TCF12: variants seen among roughly 807,000 people sequenced by gnomAD.
TCF12 encodes the protein transcription factor 12.
Under a neutral mutation model 86.0 loss-of-function variants are expected in TCF12, and 45 were observed. The ratio of observed to expected loss-of-function variants is 0.52; its 90% CI spans 0.41 to 0.67. The LOEUF is 0.67. Ranked by LOEUF, TCF12 falls within the 30% of genes least tolerant of loss-of-function variation. TCF12 has a pLI of 0.00. For missense variants in TCF12, 881 were observed against 859.9 expected (o/e 1.02, Z -0.31); for synonymous variants, 330 against 299.6 (o/e 1.10, Z -1.05).
chr15:57,138,278 T>C (rs1596752371), intron 5 of TCF12, among the ~76,000 whole-genome samples: 1 of 152,228 alleles, frequency 6.6e-6, no homozygotes, highest in South Asian at 2.1e-4. Context: ...TTTTTCATGT[T>C]TTTTCATTTA....
At chr15:57,250,966 T>TGGG (rs2060088031) in intron 13 of TCF12, among the ~76,000 whole-genome samples, 1 of 145,452 alleles carries the variant, frequency 6.9e-6, no homozygotes, top group Admixed American at 7.9e-5. Flanking sequence ...GAAATAATAA[T>TGGG]GTAGTCATTA....
chr15:57,024,587 G>A (rs75168679), intron 3 of TCF12, among the ~76,000 whole-genome samples: 1,661 of 152,272 alleles, frequency 0.011, 19 homozygotes, highest in Admixed American at 0.023. Context: ...AGTAAGACTG[G>A]AATGTCAGCT....
At chr15:57,264,195 C>CTTTTTTT (rs770642915) in intron 18 of TCF12, among the ~76,000 whole-genome samples, 16,225 of 50,046 alleles carry the variant, frequency 0.32, 6,059 homozygotes, top group Non-Finnish European at 0.4. Flanking sequence ...CTTTTGTAAG[C>CTTTTTTT]TTTTTTTTTT....
chr15:56,947,283 A>G (rs910351167), intron 3 of TCF12, among the ~76,000 whole-genome samples: 4 of 151,994 alleles, frequency 2.6e-5, no homozygotes, highest in Non-Finnish European at 5.9e-5. Context: ...TTCGCCTGCC[A>G]TTGTGGAGTT....
Position 57,067,143 on chromosome 15 carries a change from C to T in TCF12, c.222+3320C>T, listed in dbSNP as rs867329354. Among the ~76,000 whole-genome samples the T allele has an allele frequency of 5.7e-4, 87 of 152,278 alleles. No individual in the cohort carries two copies. The Middle Eastern group carries it at 0.014, about 24-fold the overall frequency. ...ACCAAATCCACCAGAAAAGTAGCCTCGCAGTTTAGAGGTGATTAAGTTTCT... is the reference window on the plus strand; with the variant it reads ...ACCAAATCCACCAGAAAAGTAGCCTTGCAGTTTAGAGGTGATTAAGTTTCT... On this transcript the variant is annotated intron_variant, in intron 4 of 20. Coordinates refer to ENST00000333725, the MANE Select transcript of TCF12 (RefSeq NM_207037.2).
At chr15:57,049,562 T>C (rs1289550531) in intron 3 of TCF12, among the ~76,000 whole-genome samples, 1 of 152,240 alleles carries the variant, frequency 6.6e-6, no homozygotes, top group Non-Finnish European at 1.5e-5. Context: ...TGTTGCTGAA[T>C]AGTAGTATTT....
intron 6 of TCF12, among the ~76,000 whole-genome samples, chr15:57,184,474 G>T (rs1450051917): frequency 2.6e-5 from 4 of 152,100 alleles, no homozygotes; most frequent in Non-Finnish European, 4.4e-5. Flanking sequence ...ATATTTGTTT[G>T]TGTGTATGTT....
In TCF12 at chr15:56,930,777, C is replaced by T. The variant is rs552467104; in HGVS notation, c.148+9679C>T. ...TTTTCCCAGTTAGAGATCCACAGTC[C>T]CTTATCTGCAGTTTTGAAATCCAAA... On this transcript the variant is annotated intron_variant, in intron 3 of 20. Coordinates refer to ENST00000333725, the MANE Select transcript of TCF12 (RefSeq NM_207037.2). Among the ~76,000 whole-genome samples, 136 of 151,940 alleles carry T rather than the reference C, an allele frequency of 9.0e-4. 1 individual carries two copies. The highest frequency in any genetic ancestry group is 3.0e-3 in the African/African-American group (125 of 41,428).
chr15:56,938,304 G>A (rs763362858), intron 3 of TCF12, among the ~76,000 whole-genome samples: 1 of 151,994 alleles, frequency 6.6e-6, no homozygotes, highest in Admixed American at 6.6e-5. Context: ...GGGATCACAG[G>A]CACGTGCCAC....
At chr15:57,162,543 A>G (rs1428236029) in intron 5 of TCF12, among the ~76,000 whole-genome samples, 1 of 152,232 alleles carries the variant, frequency 6.6e-6, no homozygotes, top group Non-Finnish European at 1.5e-5. Flanking sequence ...ATTAAGTATC[A>G]TTTTGAAAAT....
intron 4 of TCF12, among the ~76,000 whole-genome samples, chr15:57,087,046 CCT>C (rs2048686221): frequency 6.8e-6 from 1 of 146,648 alleles, no homozygotes; most frequent in Non-Finnish European, 1.5e-5. Context: ...CCTCTCTCTC[CCT>C]CTGTCTCCCT....
Position 57,231,165 on chromosome 15 carries a change from C to T in TCF12, c.593C>T (p.Ser198Phe). ...PGLPSSVYAP[S>F]PNSDDFNRES... ...TTTAATTTTAAGGTATATGCACCAT[C>T]CCCAAATTCAGATGATTTCAACCGT... The change falls in exon 9 of 21, where the codon TCC (serine) becomes TTC (phenylalanine). Residue 198 changes from serine to phenylalanine, a missense_variant. Physicochemically the swap from Ser to Phe is radical, Grantham distance 155. Around this residue, in one of 3 missense-constraint regions of TCF12, gnomAD observed 766 missense variants for 718.9 expected, o/e 1.07. Coordinates refer to ENST00000333725, the MANE Select transcript of TCF12 (RefSeq NM_207037.2). 1 of 1,612,204 alleles carries T rather than the reference C, an allele frequency of 6.2e-7. No individual in the cohort carries two copies.
intron 3 of TCF12, among the ~76,000 whole-genome samples, chr15:56,944,656 C>T (rs1269043738): frequency 6.6e-6 from 1 of 152,036 alleles, no homozygotes; most frequent in Non-Finnish European, 1.5e-5. Flanking sequence ...TTTTAGTGCA[C>T]TAGATATTTT....
At chr15:57,278,482 A>T (rs1460475037) in intron 19 of TCF12, 1 of 152,228 alleles carries the variant, frequency 6.6e-6, no homozygotes, top group Non-Finnish European at 1.5e-5. Context: ...AAAAACAAGT[A>T]GCTATTAACT....
At chr15:56,937,380 A>T (rs545707219) in intron 3 of TCF12, among the ~76,000 whole-genome samples, 37 of 150,634 alleles carry the variant, frequency 2.5e-4, no homozygotes, top group African/African-American at 9.0e-4. Flanking sequence ...TTTTTTTGAG[A>T]CGGAGTCATT....
chr15:57,077,957 G>A (rs1452659316), intron 4 of TCF12, among the ~76,000 whole-genome samples: 2 of 151,960 alleles, frequency 1.3e-5, no homozygotes, highest in African/African-American at 2.4e-5. Context: ...ATGAGATGGG[G>A]GAAATATAGT....
At chr15:57,020,301 T>G (rs2957573) in intron 3 of TCF12, among the ~76,000 whole-genome samples, 27,559 of 152,162 alleles carry the variant, frequency 0.18, 3,004 homozygotes, top group Non-Finnish European at 0.24. Flanking sequence ...TGTACTGAGC[T>G]CATCTTGAGG....
At chr15:57,133,209 G>A (rs1472119889) in intron 5 of TCF12, among the ~76,000 whole-genome samples, 1 of 152,194 alleles carries the variant, frequency 6.6e-6, no homozygotes, top group Non-Finnish European at 1.5e-5. Flanking sequence ...CCATTGATCT[G>A]AGCCTGAACA....
chr15:57,080,511 G>A (rs1276785898), intron 4 of TCF12, among the ~76,000 whole-genome samples: 5 of 152,134 alleles, frequency 3.3e-5, no homozygotes, highest in Admixed American at 6.5e-5. Flanking sequence ...TTAACAAGCC[G>A]TTTTGCATTC....
Sources: allele counts gnomAD v4.1 joint callset (sites outside exome capture counted in the v4.1 genomes callset), GRCh38; gene constraint gnomAD v4.1.1; regional missense constraint gnomAD v4.1.1; transcripts MANE v1.5; gene names NCBI Gene and HGNC (gene_info 2026-07-23, HGNC 2026-07-21).